Variants in LOXHD1 observed in about 807,000 individuals in gnomAD.
The protein encoded by LOXHD1 is lipoxygenase homology domain-containing protein 1.
A neutral mutation model predicts 248.2 loss-of-function variants in LOXHD1; 205 were observed. The ratio of observed to expected loss-of-function variants is 0.83; its 90% confidence interval spans 0.74 to 0.93. LOXHD1 has a LOEUF of 0.93. Ranked by LOEUF, LOXHD1 falls within the 40% of genes least tolerant of loss-of-function variation. The pLI is 0.00. For missense variants in LOXHD1, 2,930 were observed against 2,971.6 expected (o/e 0.99, Z 0.33); for synonymous variants, 1,113 against 1,162.8 (o/e 0.96, Z 0.87).
intron 6 of LOXHD1, among the ~76,000 whole-genome samples, chr18:46,606,308 CTATT>C (rs2038412098): frequency 6.6e-6 from 1 of 151,490 alleles, no homozygotes; most frequent in Non-Finnish European, 1.5e-5. Context: ...TGTCACAGCA[CTATT>C]TATAGTATAA....
At position 46,640,768 on chromosome 18, in the gene LOXHD1, T is replaced by C. The variant is rs74886192; in HGVS notation, c.327-968A>G. ...GGGCTACTGCACTGGGCAGTATAGA[T>C]TCAGACTCTTCAAAATCTGTCCCTA... is the stretch of plus-strand genomic sequence containing the variant. On this transcript the variant is annotated intron_variant, in intron 3 of 40. Transcript: ENST00000642948. Among the ~76,000 whole-genome samples the C allele has an allele frequency of 1.4e-4, 22 of 152,322 alleles. No individual in the cohort carries two copies. The East Asian group carries it at 4.2e-3, about 29-fold the overall frequency.
intron 4 of LOXHD1, among the ~76,000 whole-genome samples, chr18:46,621,253 G>A (rs2038664709): frequency 6.6e-6 from 1 of 152,244 alleles, no homozygotes; most frequent in Non-Finnish European, 1.5e-5. Flanking sequence ...GACAAGAGCT[G>A]CAGCAGGGAT....
At chr18:46,594,584 A>G in intron 8 of LOXHD1, 118 bp from the exon 9 acceptor site, 1 of 1,235,930 alleles carries the variant, frequency 8.1e-7, no homozygotes, top group South Asian at 1.5e-5. Context: ...CTCTCAAGGA[A>G]TGGCACCTTT....
At chr18:46,491,846 G>A (rs890821844) in intron 37 of LOXHD1, among the ~76,000 whole-genome samples, 3 of 152,196 alleles carry the variant, frequency 2.0e-5, no homozygotes, top group Non-Finnish European at 4.4e-5. Flanking sequence ...ACCAGAATAG[G>A]AGCCTGTCTG....
At chr18:46,654,441 C>G (rs1468326678) in intron 1 of LOXHD1, among the ~76,000 whole-genome samples, 1 of 152,174 alleles carries the variant, frequency 6.6e-6, no homozygotes, top group East Asian at 1.9e-4. Context: ...CTCTGAGGCC[C>G]CCTTCTACTC....
intron 12 of LOXHD1, among the ~76,000 whole-genome samples, chr18:46,582,152 TTTTG>T (rs1421048020): frequency 1.3e-5 from 2 of 152,202 alleles, no homozygotes; most frequent in Non-Finnish European, 2.9e-5. Context: ...TGCAAGTATT[TTTTG>T]TTTGTGAATC....
At position 46,545,627 on chromosome 18, in the gene LOXHD1, C is replaced by CTTTTTT. The variant is rs56323729; in HGVS notation, c.3515-212_3515-207dup. Reference sequence around the variant, plus strand: ...GTTTCTATGTTCCTCTTGGCCATTTCTTTTTTTTTTTTTTTTTTTTGAGAC... The same window carrying CTTTTTT: ...GTTTCTATGTTCCTCTTGGCCATTTCTTTTTTTTTTTTTTTTTTTTTTTTTTGAGAC... On this transcript the variant is annotated intron_variant, in intron 22 of 40. Coordinates refer to ENST00000642948, the MANE Select transcript of LOXHD1 (RefSeq NM_001384474.1). 1.5e-3 allele frequency among the ~76,000 whole-genome samples: 141 copies of CTTTTTT among 92,228 alleles called. 15 individuals are homozygous for CTTTTTT. Among genetic ancestry groups the CTTTTTT allele is most frequent in the Middle Eastern group, 7.9e-3 (1 of 126 alleles). 60.5% of individuals were successfully genotyped at this position (92,228 alleles called of 152,430 possible).
At chr18:46,597,421 C>T (rs775388492) in intron 8 of LOXHD1, among the ~76,000 whole-genome samples, 14 of 152,066 alleles carry the variant, frequency 9.2e-5, no homozygotes, top group African/African-American at 9.7e-5. Flanking sequence ...AGATTGAACT[C>T]GCTAGGAGGC....
At chr18:46,488,892 C>A in intron 38 of LOXHD1, 80 bp downstream of exon 38, 3 of 1,458,022 alleles carry the variant, frequency 2.1e-6, no homozygotes, top group Non-Finnish European at 2.8e-6. Context: ...GCACCTGACC[C>A]CCCTCCAGCT....
Position 46,560,552 on chromosome 18 carries a change from A to C in LOXHD1, c.2599-7T>G. 6.6e-7 allele frequency: 1 copy of C among 1,522,948 alleles called. No homozygotes were observed. Among genetic ancestry groups the C allele is most frequent in the South Asian group, 1.2e-5 (1 of 82,998 alleles). The allele number at this position is 1,522,948 out of a possible 1,614,324, so 94.3% of individuals were successfully genotyped here. A position where few individuals can be genotyped will look rare whatever the true frequency, so the allele number is the denominator to read the frequency against. On this transcript the variant is annotated splice_polypyrimidine_tract_variant and splice_region_variant and intron_variant, in intron 18 of 40. Transcript: ENST00000642948. ...CCACGTCGGCCGCCTCAAGCTGTTCAAAGGGCAGGGCAGCGGCTGTCGTGG... is the reference window on the plus strand; with the variant it reads ...CCACGTCGGCCGCCTCAAGCTGTTCCAAGGGCAGGGCAGCGGCTGTCGTGG...
intron 37 of LOXHD1, among the ~76,000 whole-genome samples, chr18:46,491,083 G>A (rs974577874): frequency 1.3e-5 from 2 of 152,252 alleles, no homozygotes; most frequent in Non-Finnish European, 1.5e-5. Context: ...AGAAAAAGGC[G>A]ACAAGTTGAT....
At chr18:46,611,033 AAC>A (rs1568216077) in intron 5 of LOXHD1, 109 bp from the exon 6 acceptor site, 6 of 1,313,220 alleles carry the variant, frequency 4.6e-6, no homozygotes, top group Non-Finnish European at 6.2e-6. Context: ...TAACAAGGGC[AAC>A]TTCCTCCTGA....
rs573428024 is a variant in LOXHD1 at position 46,492,581 on chromosome 18, G to A, written c.5879-3439C>T. Among the ~76,000 whole-genome samples, 11 of 152,276 alleles carry A rather than the reference G, an allele frequency of 7.2e-5. No individual in the cohort carries two copies. The South Asian group carries it at 2.3e-3, about 32-fold the overall frequency. On this transcript the variant is annotated intron_variant, in intron 37 of 40. Transcript: ENST00000642948. ...GCCTTTGACACTTGGAGATTATTAC[G>A]ATTTAAGGTGAGATTTGGGTGGGGA... is the stretch of plus-strand genomic sequence containing the variant.
chr18:46,657,130 C>A lies in LOXHD1; in HGVS notation c.-97G>T. 5 of 1,538,830 alleles carry A rather than the reference C, an allele frequency of 3.2e-6. No individual in the cohort carries two copies. In the East Asian group the frequency reaches 7.4e-5, roughly 23 times the overall value. ...CCTCCTCCCTGAGCTCTGGCGCCCA[C>A]GGCCCTCCTATAGCTCAGGCCTGGG... On this transcript the variant is annotated 5_prime_UTR_variant, in exon 1 of 41. Coordinates refer to ENST00000642948, the MANE Select transcript of LOXHD1 (RefSeq NM_001384474.1).
chr18:46,605,388 G>A lies in LOXHD1; in HGVS notation c.760-1159C>T, dbSNP rs556169116. Among the ~76,000 whole-genome samples, 10 of 151,166 alleles carry A rather than the reference G, an allele frequency of 6.6e-5. No individual in the cohort carries two copies. The South Asian group carries it at 1.0e-3, about 16-fold the overall frequency. On this transcript the variant is annotated intron_variant, in intron 6 of 40. Coordinates refer to ENST00000642948, the MANE Select transcript of LOXHD1 (RefSeq NM_001384474.1). ...AAAAATACAAAAAAATTGGCCAGGC[G>A]TGGTGGCGGGCACCTATAGTCTCAG...
intron 15 of LOXHD1, among the ~76,000 whole-genome samples, chr18:46,570,208 C>T (rs1175978114): frequency 6.6e-6 from 1 of 152,204 alleles, no homozygotes; most frequent in Admixed American, 6.5e-5. Context: ...CTTCACTGGG[C>T]CACCACGAGG....
At chr18:46,632,161 C>A (rs1423440939) in intron 4 of LOXHD1, among the ~76,000 whole-genome samples, 1 of 152,174 alleles carries the variant, frequency 6.6e-6, no homozygotes, top group African/African-American at 2.4e-5. Context: ...GAAGATACTA[C>A]TTGTAAAATG....
chr18:46,519,809 G>C (rs1457802545), intron 33 of LOXHD1, among the ~76,000 whole-genome samples: 4 of 152,160 alleles, frequency 2.6e-5, no homozygotes, highest in Non-Finnish European at 5.9e-5. Context: ...TCCAAAAAGA[G>C]ACAGAAACAG....
chr18:46,571,524 T>A (rs1015309088), intron 15 of LOXHD1, among the ~76,000 whole-genome samples: 1 of 152,186 alleles, frequency 6.6e-6, no homozygotes, highest in African/African-American at 2.4e-5. Context: ...CGGTTCTAAG[T>A]TTCTCCATCT....
Sources: gnomAD v4.1 joint callset for allele counts (sites outside exome capture counted in the v4.1 genomes callset) on GRCh38, gnomAD v4.1.1 for gene constraint, MANE v1.5 for transcripts, NCBI Gene and HGNC (gene_info 2026-07-23, HGNC 2026-07-21) for gene names.